The following WIPF1 variants were observed in gnomAD, a reference collection of about 807,000 sequenced individuals.
The protein encoded by WIPF1 is WAS/WASL-interacting protein family member 1.
WIPF1 carries 13 observed loss-of-function variants against 35.4 expected under a neutral mutation model. The observed-to-expected ratio is 0.37, with a 90% CI of 0.24 to 0.58. The LOEUF is 0.58. Ranked by LOEUF, WIPF1 falls within the 20% of genes least tolerant of loss-of-function variation. The pLI, the probability that WIPF1 is intolerant of heterozygous loss-of-function variation, is 0.74. For synonymous variants in WIPF1, 267 were observed against 266.3 expected (o/e 1.00, Z -0.02); for missense variants, 591 against 667.0 (o/e 0.89, Z 1.25).
chr2:174,562,437 C>A lies in WIPF1; in HGVS notation c.*110G>T. On this transcript the variant is annotated 3_prime_UTR_variant, in exon 8 of 8. Coordinates refer to ENST00000679041, the MANE Select transcript of WIPF1 (RefSeq NM_001375834.1). ...TATTCCCACTCCCCCTCCCACCTTT[C>A]CTCCTGCCCATACATGAGGCACAAG... is the stretch of plus-strand genomic sequence containing the variant. The A allele has an allele frequency of 5.1e-6, 8 of 1,573,798 alleles. No individual in the cohort carries two copies. The highest frequency in any genetic ancestry group is 5.2e-6 in the Non-Finnish European group (6 of 1,158,084).
intron 7 of WIPF1, among the ~76,000 whole-genome samples, chr2:174,564,539 A>C (rs1041108981): frequency 6.6e-6 from 1 of 152,306 alleles, no homozygotes; most frequent in Middle Eastern, 3.4e-3. Context: ...AATAGTGAGC[A>C]GGACACAGTT....
At chr2:174,623,304 C>G (rs1462381703) in intron 1 of WIPF1, among the ~76,000 whole-genome samples, 1 of 152,200 alleles carries the variant, frequency 6.6e-6, no homozygotes, top group East Asian at 1.9e-4. Context: ...GTACCTCTGG[C>G]TCAAAGTCTA....
chr2:174,618,931 A>G (rs1406318053), intron 1 of WIPF1, among the ~76,000 whole-genome samples: 1 of 152,060 alleles, frequency 6.6e-6, no homozygotes, highest in Non-Finnish European at 1.5e-5. Context: ...CTCATTATGA[A>G]TCTTATTAAC....
intron 6 of WIPF1, 68 bp from the exon 7 acceptor site, chr2:174,567,251 G>C: frequency 7.1e-7 from 1 of 1,410,582 alleles, no homozygotes; most frequent in South Asian, 1.2e-5. Flanking sequence ...GTAACGAAAG[G>C]CACAGAATGA....
upstream of WIPF1, among the ~76,000 whole-genome samples, chr2:174,599,817 A>ATCTC (rs60827805): frequency 8.2e-4 from 114 of 139,444 alleles, no homozygotes; most frequent in African/African-American, 2.4e-3. Flanking sequence ...CTCTCTAGCT[A>ATCTC]TCTCTCTCTC....
chr2:174,610,094 G>C (rs191612955), intron 1 of WIPF1, among the ~76,000 whole-genome samples: 1 of 152,178 alleles, frequency 6.6e-6, no homozygotes, highest in Non-Finnish European at 1.5e-5. Flanking sequence ...GAAACAGATT[G>C]TTGGAAAAAC....
chr2:174,599,232 A>G (rs1685914751), upstream of WIPF1, among the ~76,000 whole-genome samples: 4 of 152,258 alleles, frequency 2.6e-5, no homozygotes, highest in South Asian at 8.3e-4. Flanking sequence ...TGTAGCATTC[A>G]GTGGGTGGGG....
At chr2:174,617,181 A>G (rs1686531932) in intron 1 of WIPF1, among the ~76,000 whole-genome samples, 1 of 152,152 alleles carries the variant, frequency 6.6e-6, no homozygotes, top group Non-Finnish European at 1.5e-5. Context: ...TACAAGCAGC[A>G]GAGATTTTTG....
chr2:174,668,943 T>G (rs544641963), intron 1 of WIPF1, among the ~76,000 whole-genome samples: 5 of 152,324 alleles, frequency 3.3e-5, no homozygotes, highest in African/African-American at 4.8e-5. Context: ...AGATTAGCTG[T>G]GTGAAACTGG....
upstream of WIPF1, among the ~76,000 whole-genome samples, chr2:174,600,650 G>A (rs1685971938): frequency 6.6e-6 from 1 of 152,114 alleles, no homozygotes; most frequent in Non-Finnish European, 1.5e-5. Context: ...CATTTCTGCT[G>A]TTTTCTTTTA....
chr2:174,615,666 T>A (rs1686486226), intron 1 of WIPF1, among the ~76,000 whole-genome samples: 1 of 152,180 alleles, frequency 6.6e-6, no homozygotes, highest in African/African-American at 2.4e-5. Context: ...TCACTTAAAC[T>A]TGCAGTTTCT....
chr2:174,588,924 C>T lies in WIPF1; in HGVS notation c.-38-3313G>A, dbSNP rs1044845538. On this transcript the variant is annotated intron_variant, in intron 1 of 7. Coordinates refer to ENST00000679041, the MANE Select transcript of WIPF1 (RefSeq NM_001375834.1). The stretch of plus-strand genomic sequence containing the variant: ...CATGGCTTGCTTTCCCTGGCCCCAT[C>T]TCTCACTCCCCTCCAGATTAACTGT... 7.2e-5 allele frequency among the ~76,000 whole-genome samples: 11 copies of T among 152,322 alleles called. No homozygotes were observed. In the East Asian group the frequency reaches 2.1e-3, roughly 29 times the overall value.
chr2:174,675,387 C>T (rs998008062), intron 1 of WIPF1, among the ~76,000 whole-genome samples: 11 of 152,034 alleles, frequency 7.2e-5, no homozygotes, highest in East Asian at 3.9e-4. Flanking sequence ...AGACAGGTCT[C>T]GCTCTGTCAT....
chr2:174,568,009 G>T lies in WIPF1; in HGVS notation c.1194C>A (p.Thr398=), dbSNP rs751981976. 1 of 1,613,988 alleles carries T rather than the reference G, an allele frequency of 6.2e-7. No individual in the cohort carries two copies. Among genetic ancestry groups the T allele is most frequent in the South Asian group, 1.1e-5 (1 of 91,076 alleles). The change falls in exon 6 of 8, where the codon ACC becomes ACA. Residue 398 remains threonine (T), a synonymous_variant. Coordinates refer to ENST00000679041, the MANE Select transcript of WIPF1 (RefSeq NM_001375834.1). ...CTCCACTCCTGGATGGCAACTGAGG[G>T]GTAGCAGGCAGGGCCCGAGATGTGC... ...NGSTSRALPA[T]PQLPSRSGVD...
intron 1 of WIPF1, among the ~76,000 whole-genome samples, chr2:174,678,923 C>A (rs1688191169): frequency 6.6e-6 from 1 of 152,182 alleles, no homozygotes; most frequent in Non-Finnish European, 1.5e-5. Flanking sequence ...GGTTATTGTT[C>A]TATGTTAATT....
At chr2:174,659,428 G>A (rs1687711398) in intron 1 of WIPF1, among the ~76,000 whole-genome samples, 2 of 152,196 alleles carry the variant, frequency 1.3e-5, no homozygotes, top group African/African-American at 4.8e-5. Context: ...GCTAGATAGG[G>A]GTGATCCTGC....
intron 1 of WIPF1, among the ~76,000 whole-genome samples, chr2:174,639,022 T>C (rs1687243071): frequency 6.6e-6 from 1 of 152,246 alleles, no homozygotes; most frequent in Non-Finnish European, 1.5e-5. Context: ...TTCCAGATCC[T>C]GACCCATACT....
chr2:174,575,496 T>A (rs1685028174), intron 3 of WIPF1, 116 bp from the exon 4 acceptor site: 8 of 1,430,154 alleles, frequency 5.6e-6, no homozygotes, highest in Non-Finnish European at 7.3e-6. Flanking sequence ...ACAACTGGGA[T>A]TTCTTCATTA....
intron 1 of WIPF1, among the ~76,000 whole-genome samples, chr2:174,654,875 G>T (rs1687609959): frequency 6.6e-6 from 1 of 152,142 alleles, no homozygotes; most frequent in Non-Finnish European, 1.5e-5. Flanking sequence ...TCTACCAGAG[G>T]ACAGGGGAGA....
Sources: allele counts gnomAD v4.1 joint callset (sites outside exome capture counted in the v4.1 genomes callset), GRCh38; gene constraint gnomAD v4.1.1; transcripts MANE v1.5; gene names NCBI Gene and HGNC (gene_info 2026-07-23, HGNC 2026-07-21).